DYM: variants seen among roughly 807,000 people sequenced by gnomAD.
The protein encoded by DYM is dymeclin.
In DYM, 78 loss-of-function variants were observed where a neutral mutation model predicts 93.1. The ratio of observed to expected loss-of-function variants is 0.84; its 90% CI spans 0.70 to 1.01. The LOEUF (loss-of-function observed/expected upper bound fraction) is 1.01. DYM is among the 50% of genes least tolerant of loss of function. The pLI, the probability that DYM is intolerant of heterozygous loss-of-function variation, is 0.00. For missense variants in DYM, 789 were observed against 845.0 expected (o/e 0.93, Z 0.82); for synonymous variants, 321 against 319.7 (o/e 1.00, Z -0.04).
chr18:49,107,910 A>G (rs1341916201), intron 16 of DYM, among the ~76,000 whole-genome samples: 7 of 152,320 alleles, frequency 4.6e-5, no homozygotes, highest in Non-Finnish European at 7.4e-5. Flanking sequence ...GCATGCTGGG[A>G]GAACCACTAC....
chr18:49,367,051 G>A (rs1464646784), intron 5 of DYM, among the ~76,000 whole-genome samples: 1 of 152,058 alleles, frequency 6.6e-6, no homozygotes, highest in Non-Finnish European at 1.5e-5. Flanking sequence ...ATGTTTTACT[G>A]AACACTGTAA....
intron 14 of DYM, among the ~76,000 whole-genome samples, chr18:49,188,965 T>C (rs547565683): frequency 6.6e-6 from 1 of 152,296 alleles, no homozygotes; most frequent in South Asian, 2.1e-4. Context: ...GAAGAAAATG[T>C]GGTACACATA....
intron 3 of DYM, among the ~76,000 whole-genome samples, chr18:49,386,578 CA>C (rs1382262529): frequency 1.3e-5 from 2 of 152,074 alleles, no homozygotes; most frequent in African/African-American, 4.8e-5. Context: ...TAATACTCCC[CA>C]AAATCATCAA....
At chr18:49,138,159 G>A (rs2084060513) in intron 15 of DYM, among the ~76,000 whole-genome samples, 1 of 151,964 alleles carries the variant, frequency 6.6e-6, no homozygotes, top group Non-Finnish European at 1.5e-5. Context: ...CTAATTTACT[G>A]GTTATTATTC....
chr18:49,111,740 G>C (rs1321586895), intron 16 of DYM, among the ~76,000 whole-genome samples: 1 of 152,162 alleles, frequency 6.6e-6, no homozygotes, highest in Non-Finnish European at 1.5e-5. Flanking sequence ...CCATGCCCTT[G>C]ATCTTTCCCA....
At chr18:49,199,248 G>C (rs1247224231) in intron 14 of DYM, among the ~76,000 whole-genome samples, 1 of 152,150 alleles carries the variant, frequency 6.6e-6, no homozygotes, top group South Asian at 2.1e-4. Context: ...GGAGAAAGGA[G>C]GGATAGCATT....
At chr18:49,148,738 A>G (rs1483013111) in intron 15 of DYM, among the ~76,000 whole-genome samples, 2 of 152,196 alleles carry the variant, frequency 1.3e-5, no homozygotes. Context: ...AGATGATTAT[A>G]AACAAGATTC....
chr18:49,102,522 C>T (rs567466945), intron 16 of DYM, among the ~76,000 whole-genome samples: 14 of 152,188 alleles, frequency 9.2e-5, no homozygotes, highest in Non-Finnish European at 1.3e-4. Flanking sequence ...CCCACTAACT[C>T]GTCATTTAAC....
chr18:49,139,694 T>C (rs964383642), intron 15 of DYM, among the ~76,000 whole-genome samples: 10 of 152,100 alleles, frequency 6.6e-5, no homozygotes, highest in Non-Finnish European at 1.3e-4. Flanking sequence ...AACAGAACAA[T>C]AGTTTATCAG....
intron 14 of DYM, among the ~76,000 whole-genome samples, chr18:49,184,450 C>G (rs976707952): frequency 1.3e-5 from 2 of 152,118 alleles, no homozygotes; most frequent in Non-Finnish European, 2.9e-5. Flanking sequence ...AGTGCAAACC[C>G]TTATTCCATC....
At chr18:49,296,355 G>T (rs1043733845) in intron 8 of DYM, among the ~76,000 whole-genome samples, 5 of 152,298 alleles carry the variant, frequency 3.3e-5, no homozygotes, top group Non-Finnish European at 7.3e-5. Context: ...AGCTTGCTGT[G>T]CCCAAATGTG....
chr18:49,401,716 G>C (rs951339125), intron 2 of DYM, among the ~76,000 whole-genome samples: 3 of 151,986 alleles, frequency 2.0e-5, no homozygotes, highest in Non-Finnish European at 4.4e-5. Context: ...ATTCAGTAAG[G>C]AAGTGGTTAT....
At chr18:49,240,164 T>C (rs902171586) in intron 13 of DYM, among the ~76,000 whole-genome samples, 2 of 152,180 alleles carry the variant, frequency 1.3e-5, no homozygotes, top group African/African-American at 2.4e-5. Flanking sequence ...TCAGAAATAG[T>C]AGATATTTAA....
intron 1 of DYM, among the ~76,000 whole-genome samples, chr18:49,441,197 TTATATATTA>T (rs1294056784): frequency 2.2e-4 from 8 of 36,972 alleles, no homozygotes; most frequent in African/African-American, 6.2e-4. Context: ...ATATAATATA[TTATATATTA>T]TATATATTAT....
chr18:49,387,450 T>C (rs535954945), intron 3 of DYM, among the ~76,000 whole-genome samples: 1 of 151,948 alleles, frequency 6.6e-6, no homozygotes, highest in African/African-American at 2.4e-5. Context: ...TTAATTTTTG[T>C]ATTTTTGTAG....
At chr18:49,258,698 C>T (rs562850736) in intron 11 of DYM, among the ~76,000 whole-genome samples, 10 of 151,942 alleles carry the variant, frequency 6.6e-5, no homozygotes, top group East Asian at 5.8e-4. Context: ...GCAGCTCTGG[C>T]GCACACCTCC....
In DYM at chr18:49,197,967, T is replaced by C. The variant is rs1017858193; in HGVS notation, c.1625+11584A>G. ...AACAAAGCTGGAGGCATCACGCTACTTGACTTCAAACTGTACTACAAGGCT... is the reference window on the plus strand; with the variant it reads ...AACAAAGCTGGAGGCATCACGCTACCTGACTTCAAACTGTACTACAAGGCT... On this transcript the variant is annotated intron_variant, in intron 14 of 17. Coordinates refer to ENST00000675505, the MANE Select transcript of DYM (RefSeq NM_001353214.3). Among the ~76,000 whole-genome samples the C allele has an allele frequency of 4.6e-5, 7 of 152,244 alleles. No homozygotes were observed. The South Asian group carries it at 6.2e-4, about 14-fold the overall frequency.
intron 8 of DYM, among the ~76,000 whole-genome samples, chr18:49,306,930 A>G (rs2061310293): frequency 6.6e-6 from 1 of 152,120 alleles, no homozygotes; most frequent in Non-Finnish European, 1.5e-5. Context: ...GAGGACACAA[A>G]CTGGTACCCA....
At chr18:49,073,127 T>C (rs995030976) in intron 17 of DYM, among the ~76,000 whole-genome samples, 1 of 152,158 alleles carries the variant, frequency 6.6e-6, no homozygotes, top group Non-Finnish European at 1.5e-5. Flanking sequence ...TTATGACAAA[T>C]AGAAAGTGCC....
Sources: allele counts gnomAD v4.1 joint callset (sites outside exome capture counted in the v4.1 genomes callset), GRCh38; gene constraint gnomAD v4.1.1; transcripts MANE v1.5; gene names NCBI Gene and HGNC (gene_info 2026-07-23, HGNC 2026-07-21).